The following ADGRE3 variants were observed in gnomAD, a reference collection of about 807,000 sequenced individuals.
ADGRE3 encodes EGF-like module receptor 3.
In ADGRE3, 88 loss-of-function variants were observed where a neutral mutation model predicts 80.1. That is an observed-to-expected ratio of 1.10 (90% confidence interval 0.93 to 1.31). The LOEUF (loss-of-function observed/expected upper bound fraction) is 1.31. Among genes scored for constraint, ADGRE3 ranks in the 40% most tolerant of loss-of-function variants. The pLI is 0.00. For missense variants in ADGRE3, 715 were observed against 776.5 expected (o/e 0.92, Z 0.94); for synonymous variants, 281 against 294.8 (o/e 0.95, Z 0.48).
At chr19:14,661,362 G>T (rs1301927424) in intron 4 of ADGRE3, among the ~76,000 whole-genome samples, 2 of 152,212 alleles carry the variant, frequency 1.3e-5, no homozygotes, top group East Asian at 1.9e-4. Flanking sequence ...CACCCTGGGG[G>T]TGTTGAGTTC....
downstream of ADGRE3, among the ~76,000 whole-genome samples, chr19:14,617,341 C>CCTCCCTTT: frequency 4.4e-3 from 253 of 57,224 alleles, no homozygotes; most frequent in South Asian, 8.7e-3. Context: ...TCCCTCCCTC[C>CCTCCCTTT]CTTTCTTTCT....
rs4606855 is a variant in ADGRE3, at chr19:14,658,527, C to T, written c.379G>A (p.Glu127Lys). 2 of 1,566,000 alleles carry T rather than the reference C, an allele frequency of 1.3e-6. No individual in the cohort carries two copies. ...CCTCCACTCACCTCTTTCCTGCCCT[C>T]GGTTGTCTTTGAGGAGGTGGTGTCT... ...CQDTTSSKTT[E>K]GRKELQKIVD... The change falls in exon 5 of 16, where the codon GAG (glutamate) becomes AAG (lysine). Residue 127 changes from glutamate (E) to lysine (K), a missense_variant. Physicochemically the swap from Glu to Lys is moderately conservative, Grantham distance 56 (BLOSUM62 1). Coordinates refer to ENST00000253673, the MANE Select transcript of ADGRE3 (RefSeq NM_032571.5).
intron 9 of ADGRE3, among the ~76,000 whole-genome samples, chr19:14,642,410 G>T (rs1341204367): frequency 6.6e-6 from 1 of 152,110 alleles, no homozygotes; most frequent in Non-Finnish European, 1.5e-5. Flanking sequence ...TTTGATCAGA[G>T]AGCTCATACT....
At chr19:14,652,527 C>A (rs375070153) in intron 6 of ADGRE3, among the ~76,000 whole-genome samples, 102 of 151,736 alleles carry the variant, frequency 6.7e-4, no homozygotes, top group African/African-American at 2.4e-3. Flanking sequence ...TGCCTGAATT[C>A]CCAGCACTTT....
chr19:14,659,618 C>T (rs909878949), intron 4 of ADGRE3, among the ~76,000 whole-genome samples: 2 of 151,382 alleles, frequency 1.3e-5, no homozygotes, highest in African/African-American at 4.9e-5. Flanking sequence ...CCTAGGCATT[C>T]GAGACCAGCC....
the ADGRE3 span, among the ~76,000 whole-genome samples, chr19:14,602,422 A>G: frequency 6.6e-6 from 1 of 152,058 alleles, no homozygotes; most frequent in Non-Finnish European, 1.5e-5. Context: ...CCCACCAAGT[A>G]GCTGGGACAA....
the ADGRE3 span, among the ~76,000 whole-genome samples, chr19:14,601,219 T>G: frequency 6.6e-6 from 1 of 152,110 alleles, no homozygotes; most frequent in Non-Finnish European, 1.5e-5. Context: ...GGTTACTTTA[T>G]GCTGCGGTAA....
At position 14,619,453 on chromosome 19, in the gene ADGRE3, G is replaced by A; in HGVS notation, c.1939C>T (p.Gln647Ter). 1 of 1,594,270 alleles carries A rather than the reference G, an allele frequency of 6.3e-7. No homozygotes were observed. Among genetic ancestry groups the A allele is most frequent in the African/African-American group, 1.3e-5 (1 of 74,560 alleles). ...TAGTTTTAATATTTTCTCTTCACTT[G>A]TCCTGGAAAAACATCCCCCTATAAA... ...KPSEGDVFPG[Q>*]VKRKY The change falls in exon 16 of 16, where the codon CAA becomes TAA. Residue 647 changes from glutamine (Q) to a stop codon, truncating the protein, a stop_gained. Transcript: ENST00000253673. LOFTEE classifies it high-confidence loss of function.
At chr19:14,659,822 GAAA>G (rs66908687) in intron 4 of ADGRE3, among the ~76,000 whole-genome samples, 3 of 44,840 alleles carry the variant, frequency 6.7e-5, no homozygotes, top group African/African-American at 8.9e-5. Flanking sequence ...CTCTGCCTCT[GAAA>G]AAAAAAAAAA....
At chr19:14,615,338 A>G (rs767688667), downstream of ADGRE3, among the ~76,000 whole-genome samples, 4 of 150,000 alleles carry the variant, frequency 2.7e-5, no homozygotes, top group African/African-American at 4.9e-5. Context: ...GGTGACTCTG[A>G]GATGCATGTT....
chr19:14,665,961 T>TATATATGCATAC (rs1972092237), intron 2 of ADGRE3, among the ~76,000 whole-genome samples: 1 of 125,748 alleles, frequency 8.0e-6, no homozygotes, highest in South Asian at 2.4e-4. Context: ...TATATATATA[T>TATATATGCATAC]ATATATATAT....
At chr19:14,616,917 C>A (rs140086510), downstream of ADGRE3, among the ~76,000 whole-genome samples, 1,176 of 151,792 alleles carry the variant, frequency 7.7e-3, 16 homozygotes, top group African/African-American at 0.028. Flanking sequence ...GCCTCAGCCT[C>A]CTGAGTAGCT....
chr19:14,648,480 A>C (rs539551478), intron 7 of ADGRE3, among the ~76,000 whole-genome samples: 1 of 152,244 alleles, frequency 6.6e-6, no homozygotes, highest in East Asian at 1.9e-4. Flanking sequence ...CAGGTACCCC[A>C]ACAGCAAGCT....
At chr19:14,627,344 C>T (rs547168438) in intron 14 of ADGRE3, among the ~76,000 whole-genome samples, 5 of 152,052 alleles carry the variant, frequency 3.3e-5, no homozygotes, top group Non-Finnish European at 7.4e-5. Flanking sequence ...TGCTTATACT[C>T]GTTATATAAA....
intron 13 of ADGRE3, among the ~76,000 whole-genome samples, chr19:14,631,603 A>AT (rs1970883496): frequency 6.6e-6 from 1 of 151,634 alleles, no homozygotes; most frequent in Admixed American, 6.6e-5. Flanking sequence ...ATTGTGTTAT[A>AT]TATGTATAGA....
chr19:14,665,055 ATTTTTTTTTT>A (rs916325882), intron 2 of ADGRE3, among the ~76,000 whole-genome samples: 1 of 89,808 alleles, frequency 1.1e-5, no homozygotes, highest in Admixed American at 1.1e-4. Context: ...GAGCAACCTC[ATTTTTTTTTT>A]TTTTTTTTTT....
rs779190370 is a variant in ADGRE3 at position 14,655,050 on chromosome 19, G to A, written c.509C>T (p.Ser170Leu). The A allele has an allele frequency of 1.7e-5, 27 of 1,613,886 alleles. No individual in the cohort carries two copies. The highest frequency in any genetic ancestry group is 1.2e-4 in the South Asian group (11 of 91,082). Residue 170 changes from serine to leucine, a missense_variant, in exon 6 of 16, where the codon TCG becomes TTG. Transcript: ENST00000253673. Reference sequence around the variant, plus strand: ...TTTCAAGGCAGTTTCTAGAACTTTCGATTCCACATCCCGGAGAATAGTGGT... The same window carrying A: ...TTTCAAGGCAGTTTCTAGAACTTTCAATTCCACATCCCGGAGAATAGTGGT... Reference protein sequence around the residue: ...TATTILRDVESKVLETALKDP... With the variant: ...TATTILRDVELKVLETALKDP...
intron 15 of ADGRE3, among the ~76,000 whole-genome samples, chr19:14,623,375 G>GCA (rs1970647085): frequency 6.6e-6 from 1 of 151,822 alleles, no homozygotes; most frequent in African/African-American, 2.4e-5. Flanking sequence ...GGGATTACAG[G>GCA]TGTGAGCCAC....
chr19:14,600,942 A>T, the ADGRE3 span, among the ~76,000 whole-genome samples: 25,306 of 119,106 alleles, frequency 0.21, 2,602 homozygotes, highest in Middle Eastern at 0.31. Context: ...TCACTCTGTC[A>T]CCCAGGCTGG....
Sources: gnomAD v4.1 joint callset for allele counts (sites outside exome capture counted in the v4.1 genomes callset) on GRCh38, gnomAD v4.1.1 for gene constraint, MANE v1.5 for transcripts, NCBI Gene and HGNC (gene_info 2026-07-23, HGNC 2026-07-21) for gene names.